The following ZSWIM6 variants were observed in gnomAD, a reference collection of about 807,000 sequenced individuals.
The protein encoded by ZSWIM6 is zinc finger SWIM domain-containing protein 6.
ZSWIM6 carries 9 observed loss-of-function variants against 113.2 expected under a neutral mutation model. The observed-to-expected ratio is 0.08, with a 90% confidence interval of 0.05 to 0.14. The LOEUF is 0.14. Ranked by LOEUF, ZSWIM6 falls within the 10% of genes least tolerant of loss-of-function variation. The probability of loss-of-function intolerance (pLI) is 1.00; values close to 1 mark genes in which losing one functional copy is unlikely to be tolerated. For missense variants in ZSWIM6, 1,162 were observed against 1,552.2 expected (o/e 0.75, Z 4.22); for synonymous variants, 611 against 606.5 (o/e 1.01, Z -0.11).
intron 2 of ZSWIM6, 43 bp downstream of exon 2, chr5:61,473,080 T>C: frequency 8.4e-6 from 10 of 1,187,258 alleles, no homozygotes; most frequent in Non-Finnish European, 1.1e-5. Context: ...CTCTGGATCC[T>C]TTTTCACTTA....
chr5:61,466,950 T>C (rs1336093670), intron 1 of ZSWIM6, among the ~76,000 whole-genome samples: 1 of 152,172 alleles, frequency 6.6e-6, no homozygotes, highest in Non-Finnish European at 1.5e-5. Flanking sequence ...TCTTTGTTAA[T>C]GTGAAATTAA....
chr5:61,537,554 T>C (rs1282905486), intron 10 of ZSWIM6, among the ~76,000 whole-genome samples: 3 of 127,796 alleles, frequency 2.3e-5, no homozygotes, highest in African/African-American at 1.0e-4. Context: ...GAGGATATTC[T>C]GAGTTAAAAA....
At chr5:61,448,084 G>A (rs1203734616) in intron 1 of ZSWIM6, among the ~76,000 whole-genome samples, 3 of 152,102 alleles carry the variant, frequency 2.0e-5, no homozygotes, top group Non-Finnish European at 2.9e-5. Context: ...TCTTGAGAAA[G>A]GAACTCAGAT....
intron 1 of ZSWIM6, among the ~76,000 whole-genome samples, chr5:61,411,711 G>A (rs933141831): frequency 6.6e-6 from 1 of 152,068 alleles, no homozygotes; most frequent in Non-Finnish European, 1.5e-5. Flanking sequence ...CCTGGTTCCT[G>A]GATGGCACCT....
At chr5:61,516,665 T>C (rs1396673775) in intron 4 of ZSWIM6, among the ~76,000 whole-genome samples, 1 of 151,494 alleles carries the variant, frequency 6.6e-6, no homozygotes, top group Non-Finnish European at 1.5e-5. Flanking sequence ...GTGCTTAAAT[T>C]CTTGCTTTTA....
chr5:61,545,018 TA>T lies in ZSWIM6; in HGVS notation c.*707del, dbSNP rs1749848878. Reference sequence around the variant, plus strand: ...TGAAAATATAACATTAACTAATTTATAAAAAATATTCTATGTAATGCAAAAT... The same window carrying T: ...TGAAAATATAACATTAACTAATTTATAAAAATATTCTATGTAATGCAAAAT... On this transcript the variant is annotated 3_prime_UTR_variant, in exon 14 of 14. Coordinates refer to ENST00000252744, the MANE Select transcript of ZSWIM6 (RefSeq NM_020928.2). The T allele has an allele frequency of 6.6e-6, 1 of 151,422 alleles. No homozygotes were observed. 9.4% of individuals were successfully genotyped at this position (151,422 alleles called of 1,614,324 possible). A position where few individuals can be genotyped will look rare whatever the true frequency, so the allele number is the denominator to read the frequency against.
chr5:61,398,708 G>A (rs868352241), intron 1 of ZSWIM6, among the ~76,000 whole-genome samples: 1 of 152,136 alleles, frequency 6.6e-6, no homozygotes, highest in South Asian at 2.1e-4. Flanking sequence ...CCCCAGCAGA[G>A]GTTCATTACA....
chr5:61,332,957 C>G lies in ZSWIM6; in HGVS notation c.676+9C>G. On this transcript the variant is annotated intron_variant, in intron 1 of 13. Transcript: ENST00000252744. Reference sequence around the variant, plus strand: ...CAACGTCCTGCAAGTCGGTGAGTCACGGGGCAGCCGCGAGCCGTCTGTCCG... The same window carrying G: ...CAACGTCCTGCAAGTCGGTGAGTCAGGGGGCAGCCGCGAGCCGTCTGTCCG... The G allele has an allele frequency of 8.0e-7, 1 of 1,256,324 alleles. No homozygotes were observed. Among genetic ancestry groups the G allele is most frequent in the Non-Finnish European group, 1.0e-6 (1 of 988,168 alleles). The allele number at this position is 1,256,324 out of a possible 1,614,324, so 77.8% of individuals were successfully genotyped here.
At chr5:61,358,028 G>A (rs1744955441) in intron 1 of ZSWIM6, among the ~76,000 whole-genome samples, 1 of 152,112 alleles carries the variant, frequency 6.6e-6, no homozygotes, top group Non-Finnish European at 1.5e-5. Flanking sequence ...ATCCCTGGAT[G>A]GTTTTTCTTA....
intron 4 of ZSWIM6, 146 bp from the exon 5 acceptor site, chr5:61,521,117 C>T (rs1749105493): frequency 2.8e-6 from 1 of 351,448 alleles, no homozygotes; most frequent in South Asian, 1.3e-4. Flanking sequence ...TTATAATTAA[C>T]TTGATAATTT....
intron 1 of ZSWIM6, among the ~76,000 whole-genome samples, chr5:61,344,143 C>T (rs974110879): frequency 1.3e-5 from 2 of 152,194 alleles, no homozygotes; most frequent in African/African-American, 4.8e-5. Flanking sequence ...GATCCATCCA[C>T]CTTGGCCTCC....
chr5:61,333,048 C>T, intron 1 of ZSWIM6, 100 bp downstream of exon 1: 1 of 1,039,498 alleles, frequency 9.6e-7, no homozygotes, highest in Non-Finnish European at 1.2e-6. Context: ...TAGTTCCGCG[C>T]GCGCCCGCAC....
chr5:61,383,512 C>A (rs1745526879), intron 1 of ZSWIM6, among the ~76,000 whole-genome samples: 1 of 152,074 alleles, frequency 6.6e-6, no homozygotes. Context: ...TTATTCTAAT[C>A]TGGTACCTAC....
chr5:61,379,539 A>C (rs1355209204), intron 1 of ZSWIM6, among the ~76,000 whole-genome samples: 2 of 152,330 alleles, frequency 1.3e-5, no homozygotes, highest in South Asian at 2.1e-4. Context: ...GTTGAAAACT[A>C]TATGAAGACA....
chr5:61,454,486 G>C (rs1747157439), intron 1 of ZSWIM6, among the ~76,000 whole-genome samples: 1 of 151,494 alleles, frequency 6.6e-6, no homozygotes, highest in African/African-American at 2.4e-5. Flanking sequence ...GAACTCCTGG[G>C]CTCAGGGCTC....
intron 1 of ZSWIM6, chr5:61,391,069 C>T: frequency 1.4e-6 from 1 of 737,902 alleles, no homozygotes; most frequent in Non-Finnish European, 2.5e-6. Context: ...CTGCCAAATG[C>T]ATGCCACAGG....
chr5:61,445,584 A>G (rs148854922), intron 1 of ZSWIM6, among the ~76,000 whole-genome samples: 43 of 152,352 alleles, frequency 2.8e-4, no homozygotes, highest in South Asian at 1.9e-3. Context: ...AATTTTGATA[A>G]TGGTGAACAC....
intron 1 of ZSWIM6, among the ~76,000 whole-genome samples, chr5:61,446,650 C>T (rs1019798401): frequency 1.3e-5 from 2 of 152,132 alleles, no homozygotes; most frequent in African/African-American, 4.8e-5. Flanking sequence ...ATTCTGAAGA[C>T]ATTTCTGTTT....
chr5:61,486,655 A>G (rs1213673167), intron 2 of ZSWIM6, among the ~76,000 whole-genome samples: 6 of 152,154 alleles, frequency 3.9e-5, no homozygotes, highest in Non-Finnish European at 8.8e-5. Flanking sequence ...ATAAGATGAT[A>G]TCTCATTGTG....
Sources: allele counts gnomAD v4.1 joint callset (sites outside exome capture counted in the v4.1 genomes callset), GRCh38; gene constraint gnomAD v4.1.1; transcripts MANE v1.5; gene names NCBI Gene and HGNC (gene_info 2026-07-23, HGNC 2026-07-21).